The following CMIP variants were observed in gnomAD, a reference collection of about 807,000 sequenced individuals.
CMIP encodes C-Maf-inducing protein.
In CMIP, 13 loss-of-function variants were observed where a neutral mutation model predicts 97.3. That is an observed-to-expected ratio of 0.13 (90% CI 0.09 to 0.21). The LOEUF is 0.21. Ranked by LOEUF, CMIP falls within the 10% of genes least tolerant of loss-of-function variation. The pLI, the probability that CMIP is intolerant of heterozygous loss-of-function variation, is 1.00. For missense variants in CMIP, 847 were observed against 1,024.9 expected (o/e 0.83, Z 2.37); for synonymous variants, 538 against 436.3 (o/e 1.23, Z -2.91).
intron 13 of CMIP, chr16:81,695,314 A>T (rs1374753499): frequency 6.6e-6 from 1 of 152,092 alleles, no homozygotes; most frequent in Non-Finnish European, 1.5e-5. Flanking sequence ...CTTTAAAATT[A>T]TTTGCTATAT....
chr16:81,590,527 C>T (rs1460038978), intron 1 of CMIP, among the ~76,000 whole-genome samples: 1 of 152,244 alleles, frequency 6.6e-6, no homozygotes, highest in Non-Finnish European at 1.5e-5. Flanking sequence ...TGTCGCCCGG[C>T]TTCTGGGCCA....
At position 81,614,166 on chromosome 16, in the gene CMIP, CG is replaced by C. The variant is rs2091875553; in HGVS notation, c.426+6476del. Reference sequence around the variant, plus strand: ...GTGTAAGTAGGAGTCCAGCGGGCAGCGGAGAGAAGGGGGTGACAGCAGAATG... The same window carrying C: ...GTGTAAGTAGGAGTCCAGCGGGCAGCGAGAGAAGGGGGTGACAGCAGAATG... On this transcript the variant is annotated intron_variant, in intron 2 of 20. Coordinates refer to ENST00000537098, the MANE Select transcript of CMIP (RefSeq NM_198390.3). The surrounding 1 kb of genome is among the most constrained non-coding windows in gnomAD (Gnocchi z 5.3). 6.6e-6 allele frequency among the ~76,000 whole-genome samples: 1 copy of C among 151,976 alleles called. No individual in the cohort carries two copies. The highest frequency in any genetic ancestry group is 1.5e-5 in the Non-Finnish European group (1 of 67,992).
At chr16:81,662,392 G>A (rs1471329062) in intron 6 of CMIP, among the ~76,000 whole-genome samples, 1 of 152,188 alleles carries the variant, frequency 6.6e-6, no homozygotes, top group African/African-American at 2.4e-5. Flanking sequence ...GTTTGGAAAG[G>A]GATGAGGTAG....
intron 3 of CMIP, among the ~76,000 whole-genome samples, chr16:81,634,650 T>C (rs1449960502): frequency 6.6e-6 from 1 of 152,164 alleles, no homozygotes; most frequent in African/African-American, 2.4e-5. Context: ...CCTTCTCCTA[T>C]ATTCAAGCAT....
chr16:81,540,649 T>A (rs1197600681), intron 1 of CMIP, among the ~76,000 whole-genome samples: 4 of 17,472 alleles, frequency 2.3e-4, no homozygotes, highest in South Asian at 0.01. Context: ...TTTGAGTGTG[T>A]GTGTGTGTGT....
chr16:81,581,286 C>T (rs981384943), intron 1 of CMIP, among the ~76,000 whole-genome samples: 10 of 152,088 alleles, frequency 6.6e-5, no homozygotes, highest in African/African-American at 1.9e-4. Context: ...GGATACGTTC[C>T]GGGAAGCGCG....
intron 1 of CMIP, among the ~76,000 whole-genome samples, chr16:81,481,667 A>T (rs1357215811): frequency 2.0e-5 from 3 of 152,158 alleles, no homozygotes; most frequent in African/African-American, 7.2e-5. Flanking sequence ...AAGCAACACA[A>T]AGTTATTATC....
intron 1 of CMIP, among the ~76,000 whole-genome samples, chr16:81,533,455 C>A (rs2090280231): frequency 6.6e-6 from 1 of 152,174 alleles, no homozygotes; most frequent in Non-Finnish European, 1.5e-5. Context: ...ATATTATTGT[C>A]ATTATGTGCT....
intron 1 of CMIP, among the ~76,000 whole-genome samples, chr16:81,590,303 G>C (rs1261699021): frequency 6.6e-6 from 1 of 152,082 alleles, no homozygotes; most frequent in Non-Finnish European, 1.5e-5. Context: ...TCTCTTGAAG[G>C]CTGTGTTGCT....
At chr16:81,522,472 G>C (rs1297183104) in intron 1 of CMIP, among the ~76,000 whole-genome samples, 2 of 152,222 alleles carry the variant, frequency 1.3e-5, no homozygotes. Flanking sequence ...ATTTTTGTTA[G>C]AAGGGTGCCA....
At chr16:81,576,393 G>C (rs1337614601) in intron 1 of CMIP, among the ~76,000 whole-genome samples, 1 of 152,106 alleles carries the variant, frequency 6.6e-6, no homozygotes, top group African/African-American at 2.4e-5. Context: ...GACAGAGCAA[G>C]ACTCTGTCTC....
chr16:81,587,854 A>T (rs1261689852), intron 1 of CMIP, among the ~76,000 whole-genome samples: 1 of 152,178 alleles, frequency 6.6e-6, no homozygotes, highest in African/African-American at 2.4e-5. Context: ...TCCTGGAGAA[A>T]GGTGGCCAGG....
At chr16:81,449,673 C>G (rs975207588) in intron 1 of CMIP, among the ~76,000 whole-genome samples, 4 of 151,098 alleles carry the variant, frequency 2.6e-5, no homozygotes, top group Admixed American at 2.0e-4. Context: ...CAGATTTCCC[C>G]CCCCCCCTTT....
chr16:81,658,059 G>A (rs922075157), intron 5 of CMIP, among the ~76,000 whole-genome samples: 2 of 152,160 alleles, frequency 1.3e-5, no homozygotes, highest in Non-Finnish European at 2.9e-5. Flanking sequence ...TATCATAATC[G>A]CCTCCTCCTT....
At chr16:81,705,350 G>T (rs764003588) in intron 18 of CMIP, 149 bp from the exon 19 acceptor site, 3 of 578,358 alleles carry the variant, frequency 5.2e-6, no homozygotes, top group Admixed American at 3.1e-5. Context: ...TTTAGGGGAC[G>T]TGAACGCAGC....
chr16:81,625,923 C>T (rs1406330514), intron 3 of CMIP, among the ~76,000 whole-genome samples: 1 of 152,262 alleles, frequency 6.6e-6, no homozygotes, highest in Admixed American at 6.5e-5. Flanking sequence ...GCCCCAGAGC[C>T]GGGGACCAAT....
intron 1 of CMIP, among the ~76,000 whole-genome samples, chr16:81,496,188 C>T (rs927381089): frequency 5.3e-5 from 8 of 152,168 alleles, no homozygotes; most frequent in Non-Finnish European, 1.2e-4. Context: ...ACACACATCA[C>T]ATGTGTAAAC....
At chr16:81,618,566 C>T (rs777041402) in intron 2 of CMIP, 2 of 152,300 alleles carry the variant, frequency 1.3e-5, no homozygotes, top group South Asian at 2.1e-4. Flanking sequence ...TGGATGTGGA[C>T]CAGGCATGCC....
chr16:81,523,730 C>T (rs907058088), intron 1 of CMIP, among the ~76,000 whole-genome samples: 3 of 152,250 alleles, frequency 2.0e-5, no homozygotes, highest in Non-Finnish European at 4.4e-5. Context: ...TGTTCTCCAA[C>T]CACCTCGTAG....
Sources: allele counts gnomAD v4.1 joint callset (sites outside exome capture counted in the v4.1 genomes callset), GRCh38; gene constraint gnomAD v4.1.1; non-coding constraint Gnocchi (gnomAD v3.1); transcripts MANE v1.5; gene names NCBI Gene and HGNC (gene_info 2026-07-23, HGNC 2026-07-21).